The following AUTS2 variants were observed in gnomAD, a reference collection of about 807,000 sequenced individuals.
AUTS2 encodes autism susceptibility gene 2 protein.
In AUTS2, 17 loss-of-function variants were observed where a neutral mutation model predicts 112.4. The observed-to-expected ratio is 0.15, with a 90% CI of 0.10 to 0.23. The LOEUF (loss-of-function observed/expected upper bound fraction) is 0.23. Among genes scored for constraint, AUTS2 ranks in the 10% least tolerant of loss-of-function variants. The pLI is 1.00. For missense variants in AUTS2, 1,510 were observed against 1,701.6 expected, an observed-to-expected ratio of 0.89 and a Z score of 1.98; for synonymous variants, 751 against 702.7, an observed-to-expected ratio of 1.07 and a Z score of -1.09.
At chr7:70,162,420 T>G (rs1584810793) in intron 4 of AUTS2, among the ~76,000 whole-genome samples, 1 of 109,004 alleles carries the variant, frequency 9.2e-6, no homozygotes, top group Non-Finnish European at 1.7e-5. Flanking sequence ...CACTCCAGCC[T>G]GGGCGACAGA....
intron 5 of AUTS2, among the ~76,000 whole-genome samples, chr7:70,535,034 TA>T (rs11350780): frequency 0.48 from 64,357 of 134,474 alleles, 14,289 homozygotes; most frequent in Middle Eastern, 0.57. Context: ...ATCTATTTCA[TA>T]AAAAAAAAAA....
intron 2 of AUTS2, among the ~76,000 whole-genome samples, chr7:69,983,811 TA>T (rs35013322): frequency 0.36 from 54,684 of 151,900 alleles, 10,376 homozygotes; most frequent in African/African-American, 0.48. Context: ...TTTGAAATGA[TA>T]ACATGCATGA....
intron 2 of AUTS2, among the ~76,000 whole-genome samples, chr7:69,925,135 A>G (rs1312704984): frequency 6.6e-6 from 1 of 152,034 alleles, no homozygotes; most frequent in East Asian, 1.9e-4. Flanking sequence ...ATATCTGTTG[A>G]TAGCCTCCTT....
At chr7:69,669,939 T>C (rs1337511740) in intron 1 of AUTS2, among the ~76,000 whole-genome samples, 2 of 152,228 alleles carry the variant, frequency 1.3e-5, no homozygotes, top group Admixed American at 6.5e-5. Flanking sequence ...TTTCACAGCC[T>C]GGCGACATAA....
Position 70,719,598 on chromosome 7 carries a change from G to A in AUTS2, c.742+20978G>A, listed in dbSNP as rs113344336. ...CCTGCCTCAGCCTCCCGAGTAGGTG[G>A]GATTACAGGCTCCTGCCACCATGCC... On this transcript the variant is annotated intron_variant, in intron 6 of 18. Transcript: ENST00000342771. Among the ~76,000 whole-genome samples, 187 of 151,970 alleles carry A rather than the reference G, an allele frequency of 1.2e-3. 2 individuals are homozygous for A. Among genetic ancestry groups the A allele is most frequent in the African/African-American group, 4.3e-3 (178 of 41,450 alleles).
At chr7:69,758,528 C>T (rs553824088) in intron 1 of AUTS2, among the ~76,000 whole-genome samples, 47 of 152,174 alleles carry the variant, frequency 3.1e-4, no homozygotes, top group African/African-American at 1.1e-3. Context: ...CATCTCAGAA[C>T]GGGTAAAATG....
In AUTS2 at chr7:70,579,596, A is replaced by G. The variant is rs117045776; in HGVS notation, c.691-118973A>G. Among the ~76,000 whole-genome samples, 676 of 152,294 alleles carry G rather than the reference A, an allele frequency of 4.4e-3. 3 individuals are homozygous for G. The highest frequency in any genetic ancestry group is 0.017 in the Middle Eastern group (5 of 294). ...TGCTGAAGACATGGGTTTCAAGCCT[A>G]CCCTGCCCAGGGATAAGACAGAGCA... On this transcript the variant is annotated intron_variant, in intron 5 of 18. Coordinates refer to ENST00000342771, the MANE Select transcript of AUTS2 (RefSeq NM_015570.4).
chr7:70,757,727 T>C (rs35545046), intron 6 of AUTS2, among the ~76,000 whole-genome samples: 12,861 of 151,514 alleles, frequency 0.085, 699 homozygotes, highest in East Asian at 0.23. Context: ...GTTCCCTGTC[T>C]ATCCAGTTCT....
At chr7:70,117,104 G>GTTTTTTTT (rs61076536) in intron 2 of AUTS2, among the ~76,000 whole-genome samples, 17 of 78,432 alleles carry the variant, frequency 2.2e-4, no homozygotes, top group African/African-American at 7.2e-4. Flanking sequence ...GATGACTTTT[G>GTTTTTTTT]TTTTTTTTTT....
At chr7:69,949,212 C>G (rs767096235) in intron 2 of AUTS2, among the ~76,000 whole-genome samples, 2 of 152,112 alleles carry the variant, frequency 1.3e-5, no homozygotes, top group Non-Finnish European at 2.9e-5. Flanking sequence ...TAACTTAGTG[C>G]GTGTATGTAA....
intron 1 of AUTS2, among the ~76,000 whole-genome samples, chr7:69,621,534 G>A (rs1352801844): frequency 1.3e-5 from 2 of 152,154 alleles, no homozygotes; most frequent in Non-Finnish European, 2.9e-5. Context: ...TGGTAGAACA[G>A]GGATGTGGAA....
chr7:70,243,807 G>T (rs1174809891), intron 4 of AUTS2, among the ~76,000 whole-genome samples: 3 of 152,084 alleles, frequency 2.0e-5, no homozygotes, highest in Admixed American at 1.3e-4. Context: ...TCTTAACAGG[G>T]ATATGGCTTG....
intron 2 of AUTS2, among the ~76,000 whole-genome samples, chr7:70,025,450 CTTTTTTTTT>C (rs970909285): frequency 1.5e-5 from 2 of 134,496 alleles, no homozygotes; most frequent in Non-Finnish European, 3.2e-5. Context: ...TTTTTGTTTC[CTTTTTTTTT>C]TTTTTTTTTA....
chr7:69,917,583 C>T (rs1795634233), intron 2 of AUTS2, among the ~76,000 whole-genome samples: 1 of 151,808 alleles, frequency 6.6e-6, no homozygotes, highest in African/African-American at 2.4e-5. Context: ...TTTAGTGCAC[C>T]CATCACCTAG....
intron 1 of AUTS2, among the ~76,000 whole-genome samples, chr7:69,819,562 T>C (rs1023620778): frequency 1.3e-5 from 2 of 152,236 alleles, no homozygotes; most frequent in Non-Finnish European, 2.9e-5. Flanking sequence ...GTGTAAACTA[T>C]TGGCTGCCTG....
chr7:69,999,872 T>G (rs940471987), intron 2 of AUTS2, among the ~76,000 whole-genome samples: 1 of 152,150 alleles, frequency 6.6e-6, no homozygotes, highest in Non-Finnish European at 1.5e-5. Flanking sequence ...TTTTGAGTTA[T>G]GGAGAGGTGG....
At chr7:70,210,521 A>G (rs1810823314) in intron 4 of AUTS2, among the ~76,000 whole-genome samples, 1 of 152,230 alleles carries the variant, frequency 6.6e-6, no homozygotes, top group South Asian at 2.1e-4. Context: ...TCCTATTACC[A>G]GCAAAGGTTT....
chr7:69,986,551 T>C (rs1798522809), intron 2 of AUTS2, among the ~76,000 whole-genome samples: 1 of 152,256 alleles, frequency 6.6e-6, no homozygotes, highest in African/African-American at 2.4e-5. Flanking sequence ...GTTACTGCTC[T>C]TGGCCAAAGG....
intron 5 of AUTS2, among the ~76,000 whole-genome samples, chr7:70,630,601 C>A (rs545089475): frequency 6.6e-6 from 1 of 152,338 alleles, no homozygotes; most frequent in African/African-American, 2.4e-5. Flanking sequence ...CCAGAAAAAT[C>A]TGGCTGGAGA....
Sources: gnomAD v4.1 joint callset for allele counts (sites outside exome capture counted in the v4.1 genomes callset) on GRCh38, gnomAD v4.1.1 for gene constraint, MANE v1.5 for transcripts, NCBI Gene and HGNC (gene_info 2026-07-23, HGNC 2026-07-21) for gene names.